Variants in CFAP97 observed in about 807,000 individuals in gnomAD.
The protein encoded by CFAP97 is cilia and flagella associated protein 97.
In CFAP97, 36 loss-of-function variants were observed where a neutral mutation model predicts 43.1. The observed-to-expected ratio is 0.84, with a 90% CI of 0.64 to 1.10. The LOEUF is 1.10. Ranked by LOEUF, CFAP97 falls within the 50% of genes least tolerant of loss-of-function variation. CFAP97 has a pLI of 0.00. For synonymous variants in CFAP97, 228 were observed against 225.7 expected, an observed-to-expected ratio of 1.01 and a Z score of -0.09; for missense variants, 657 against 620.3, an observed-to-expected ratio of 1.06 and a Z score of -0.63.
chr4:185,163,662 A>G (rs916657371), intron 4 of CFAP97, among the ~76,000 whole-genome samples: 3 of 152,042 alleles, frequency 2.0e-5, no homozygotes, highest in African/African-American at 7.2e-5. Context: ...AAGCACATAT[A>G]AGGGCTGGAG....
At chr4:185,169,578 A>G (rs1415568634) in intron 3 of CFAP97, 1 of 976,204 alleles carries the variant, frequency 1.0e-6, no homozygotes, top group East Asian at 1.1e-4. Context: ...ACTTGTCCAA[A>G]CATTTATTTT....
intron 1 of CFAP97, among the ~76,000 whole-genome samples, chr4:185,202,443 G>A (rs574160076): frequency 6.6e-5 from 10 of 152,216 alleles, no homozygotes; most frequent in African/African-American, 2.4e-4. Flanking sequence ...CAGCTACTCC[G>A]GAGGCTGAGG....
chr4:185,190,202 T>A lies in CFAP97; in HGVS notation c.995A>T (p.Asp332Val). The part of the protein sequence containing the change: ...KSSSVLDSSL[D>V]HRHKQKVLHD... Reference sequence around the variant, plus strand: ...TAAGACTTTCTGTTTATGTCTGTGGTCTAAACTGGAGTCTAACACTGAAGA... The same window carrying A: ...TAAGACTTTCTGTTTATGTCTGTGGACTAAACTGGAGTCTAACACTGAAGA... The change falls in exon 2 of 5, where the codon GAC becomes GTC. Residue 332 changes from aspartate to valine, a missense_variant. By Grantham distance (152) the Asp-to-Val change is radical. Coordinates refer to ENST00000458385, the MANE Select transcript of CFAP97 (RefSeq NM_020827.3). 6.2e-7 allele frequency: 1 copy of A among 1,611,086 alleles called. No homozygotes were observed. The highest frequency in any genetic ancestry group is 1.1e-5 in the South Asian group (1 of 90,056).
intron 1 of CFAP97, among the ~76,000 whole-genome samples, chr4:185,197,425 G>GA (rs1046486920): frequency 6.6e-6 from 1 of 150,466 alleles, no homozygotes; most frequent in African/African-American, 2.4e-5. Flanking sequence ...AGTTGTTTTT[G>GA]AATTTTTTTT....
upstream of CFAP97, chr4:185,204,223 T>C (rs1737082812): frequency 6.6e-6 from 1 of 152,162 alleles, no homozygotes; most frequent in Non-Finnish European, 1.5e-5. Flanking sequence ...CATGGCGCCC[T>C]AGAGGCGTTA....
rs1734830788 is a variant in CFAP97 at position 185,160,256 on chromosome 4, CA to C, written c.*2541del. ...TAGAATCTTACTAAAAAGGAGGCAA[CA>C]TTAGTTTAAAAAATAACTGAACAAG... On this transcript the variant is annotated 3_prime_UTR_variant, in exon 5 of 5. Coordinates refer to ENST00000458385, the MANE Select transcript of CFAP97 (RefSeq NM_020827.3). The C allele has an allele frequency of 6.6e-6, 1 of 152,068 alleles. No individual in the cohort carries two copies. The highest frequency in any genetic ancestry group is 2.4e-5 in the African/African-American group (1 of 41,424). 9.4% of individuals were successfully genotyped at this position (152,068 alleles called of 1,614,324 possible).
At chr4:185,198,440 C>CT (rs1374293666) in intron 1 of CFAP97, among the ~76,000 whole-genome samples, 3 of 108,556 alleles carry the variant, frequency 2.8e-5, no homozygotes, top group Non-Finnish European at 3.9e-5. Flanking sequence ...GAGACTCTGT[C>CT]TTAAAAAAAA....
intron 1 of CFAP97, among the ~76,000 whole-genome samples, chr4:185,203,151 T>C (rs1210123089): frequency 6.6e-6 from 1 of 151,484 alleles, no homozygotes; most frequent in African/African-American, 2.4e-5. Context: ...CAGTGAGACA[T>C]GATCGTGCCA....
intron 1 of CFAP97, among the ~76,000 whole-genome samples, chr4:185,194,723 C>A (rs895885551): frequency 1.3e-5 from 2 of 152,078 alleles, no homozygotes; most frequent in Non-Finnish European, 2.9e-5. Flanking sequence ...GATGTATGAA[C>A]ATGAAAAATA....
chr4:185,190,075 T>C, intron 2 of CFAP97, 68 bp downstream of exon 2: 1 of 1,250,792 alleles, frequency 8.0e-7, no homozygotes, highest in Non-Finnish European at 1.1e-6. Flanking sequence ...TGCAAATTCA[T>C]AGCATTTAAT....
intron 2 of CFAP97, among the ~76,000 whole-genome samples, chr4:185,177,607 G>A (rs1735604083): frequency 6.6e-6 from 1 of 152,090 alleles, no homozygotes; most frequent in African/African-American, 2.4e-5. Flanking sequence ...GGCAGGGATG[G>A]GTAGATCACC....
At chr4:185,182,899 C>T (rs901637570) in intron 2 of CFAP97, among the ~76,000 whole-genome samples, 6 of 151,506 alleles carry the variant, frequency 4.0e-5, no homozygotes, top group South Asian at 2.1e-4. Context: ...CAGGAGTTCA[C>T]GACCAGCCTG....
At chr4:185,187,992 G>A (rs1398372752) in intron 2 of CFAP97, among the ~76,000 whole-genome samples, 1 of 152,064 alleles carries the variant, frequency 6.6e-6, no homozygotes, top group Non-Finnish European at 1.5e-5. Flanking sequence ...CACCTCCTGG[G>A]TTCAAGCAAT....
At chr4:185,188,704 C>CTT (rs143617442) in intron 2 of CFAP97, among the ~76,000 whole-genome samples, 5 of 151,082 alleles carry the variant, frequency 3.3e-5, no homozygotes, top group Non-Finnish European at 5.9e-5. Context: ...GATTGATTTA[C>CTT]TTTTTTTTTA....
chr4:185,163,338 G>C (rs530366909), intron 4 of CFAP97, among the ~76,000 whole-genome samples: 1 of 152,264 alleles, frequency 6.6e-6, no homozygotes, highest in Admixed American at 6.5e-5. Flanking sequence ...TACTAGTCTT[G>C]AGAGTTGAAG....
chr4:185,188,990 C>A (rs1042034077), intron 2 of CFAP97, among the ~76,000 whole-genome samples: 5 of 152,192 alleles, frequency 3.3e-5, no homozygotes, highest in African/African-American at 9.6e-5. Context: ...ATAATCCCAG[C>A]CCTTCGGGAC....
rs1340560950 is a variant in CFAP97 at position 185,160,717 on chromosome 4, T to C, written c.*2081A>G. On this transcript the variant is annotated 3_prime_UTR_variant, in exon 5 of 5. Coordinates refer to ENST00000458385, the MANE Select transcript of CFAP97 (RefSeq NM_020827.3). ...ATTAAATTAGTACCTAAAATCAAAGTACAGTTGTTATTTATAAAACTATTG... is the reference window on the plus strand; with the variant it reads ...ATTAAATTAGTACCTAAAATCAAAGCACAGTTGTTATTTATAAAACTATTG... 1 of 151,622 alleles carries C rather than the reference T, an allele frequency of 6.6e-6. No individual in the cohort carries two copies. The highest frequency in any genetic ancestry group is 2.4e-5 in the African/African-American group (1 of 41,360). The allele number at this position is 151,622 out of a possible 1,614,324, so 9.4% of individuals were successfully genotyped here. A position where few individuals can be genotyped will look rare whatever the true frequency, so the allele number is the denominator to read the frequency against.
At chr4:185,189,798 T>C (rs1736150946) in intron 2 of CFAP97, among the ~76,000 whole-genome samples, 1 of 152,200 alleles carries the variant, frequency 6.6e-6, no homozygotes. Flanking sequence ...CTGCCTTTCT[T>C]AAAGAAGAAA....
intron 2 of CFAP97, among the ~76,000 whole-genome samples, chr4:185,188,503 C>T (rs10027818): frequency 0.15 from 22,601 of 152,002 alleles, 1,798 homozygotes; most frequent in African/African-American, 0.2. Flanking sequence ...CCACTACGCT[C>T]GGCTCATTTT....
Sources: gnomAD v4.1 joint callset for allele counts (sites outside exome capture counted in the v4.1 genomes callset) on GRCh38, gnomAD v4.1.1 for gene constraint, MANE v1.5 for transcripts, NCBI Gene and HGNC (gene_info 2026-07-23, HGNC 2026-07-21) for gene names.